EXOC4: variants seen among roughly 807,000 people sequenced by gnomAD.
EXOC4 encodes exocyst complex component 4.
EXOC4 carries 71 observed loss-of-function variants against 107.2 expected under a neutral mutation model. That is an observed-to-expected ratio of 0.66 (90% confidence interval 0.55 to 0.81). The LOEUF is 0.81. EXOC4 is among the 30% of genes least tolerant of loss of function. The pLI, the probability that EXOC4 is intolerant of heterozygous loss-of-function variation, is 0.00. For missense variants in EXOC4, 1,108 were observed against 1,189.6 expected (o/e 0.93, Z 1.01); for synonymous variants, 456 against 441.2 (o/e 1.03, Z -0.42).
chr7:133,377,304 A>C (rs969973351), intron 7 of EXOC4, among the ~76,000 whole-genome samples: 2 of 152,184 alleles, frequency 1.3e-5, no homozygotes, highest in Non-Finnish European at 2.9e-5. Context: ...CAGTGAGCCA[A>C]GATTGTGCCT....
intron 10 of EXOC4, among the ~76,000 whole-genome samples, chr7:133,673,872 T>C (rs1433097970): frequency 1.3e-5 from 2 of 152,240 alleles, no homozygotes; most frequent in Admixed American, 1.3e-4. Flanking sequence ...ACTAAACAAA[T>C]ATTGTAATTG....
chr7:133,490,984 C>G (rs547345782), intron 9 of EXOC4, among the ~76,000 whole-genome samples: 63 of 152,288 alleles, frequency 4.1e-4, no homozygotes, highest in South Asian at 2.1e-4. Flanking sequence ...CAACCTATTT[C>G]TAAAGTACCT....
intron 10 of EXOC4, among the ~76,000 whole-genome samples, chr7:133,744,135 C>CA (rs113003258): frequency 0.022 from 2,939 of 130,924 alleles, 76 homozygotes; most frequent in African/African-American, 0.065. Flanking sequence ...TTCCTGGAGG[C>CA]AAAAAAAAAA....
chr7:133,781,790 A>C (rs1045342340), intron 10 of EXOC4, among the ~76,000 whole-genome samples: 1 of 152,146 alleles, frequency 6.6e-6, no homozygotes, highest in African/African-American at 2.4e-5. Context: ...TCAACTCCCA[A>C]TTGTGTTCTG....
chr7:133,508,092 C>T (rs1799699360), intron 9 of EXOC4, among the ~76,000 whole-genome samples: 1 of 151,950 alleles, frequency 6.6e-6, no homozygotes, highest in Non-Finnish European at 1.5e-5. Context: ...AAAGAAAAAT[C>T]AGTAACAAAT....
intron 11 of EXOC4, among the ~76,000 whole-genome samples, chr7:133,818,853 C>T (rs1397667604): frequency 2.0e-5 from 3 of 152,146 alleles, no homozygotes; most frequent in African/African-American, 7.2e-5. Context: ...CAGCCCCATC[C>T]ATTGTCAATA....
intron 9 of EXOC4, among the ~76,000 whole-genome samples, chr7:133,559,621 G>T (rs1334235020): frequency 2.6e-5 from 4 of 152,204 alleles, no homozygotes; most frequent in Non-Finnish European, 5.9e-5. Flanking sequence ...TTTTTAAGGA[G>T]AGTAGGCTTT....
At chr7:133,848,714 A>C (rs1798183744) in intron 11 of EXOC4, among the ~76,000 whole-genome samples, 1 of 152,182 alleles carries the variant, frequency 6.6e-6, no homozygotes, top group East Asian at 1.9e-4. Flanking sequence ...TCTGGGATCT[A>C]AAATGTTCTC....
rs977520435 is a variant in EXOC4 at position 133,955,627 on chromosome 7, C to T, written c.2206+17558C>T. 1.3e-4 allele frequency among the ~76,000 whole-genome samples: 20 copies of T among 152,276 alleles called. No homozygotes were observed. The Middle Eastern group carries it at 0.01, about 78-fold the overall frequency. Reference sequence around the variant, plus strand: ...TCTTTACTTAAAGGTGGGGCTTCACCGGGGACCTGGCCCTGTCTGCCCTGG... The same window carrying T: ...TCTTTACTTAAAGGTGGGGCTTCACTGGGGACCTGGCCCTGTCTGCCCTGG... On this transcript the variant is annotated intron_variant, in intron 14 of 17. Coordinates refer to ENST00000253861, the MANE Select transcript of EXOC4 (RefSeq NM_021807.4).
intron 11 of EXOC4, among the ~76,000 whole-genome samples, chr7:133,847,537 A>ATTTTTTT (rs34297470): frequency 1.6e-5 from 2 of 127,186 alleles, no homozygotes; most frequent in Non-Finnish European, 3.3e-5. Context: ...TACACCAGCT[A>ATTTTTTT]TTTTTTTTTT....
intron 9 of EXOC4, among the ~76,000 whole-genome samples, chr7:133,536,550 T>C (rs1241856641): frequency 6.6e-6 from 1 of 151,944 alleles, no homozygotes; most frequent in African/African-American, 2.4e-5. Context: ...TATCTGTTCT[T>C]GTTTCTTTCT....
intron 14 of EXOC4, among the ~76,000 whole-genome samples, chr7:133,938,548 T>C (rs1310131144): frequency 6.6e-6 from 1 of 152,098 alleles, no homozygotes; most frequent in Non-Finnish European, 1.5e-5. Flanking sequence ...AGACAACAAT[T>C]ATTCTGGAAA....
At chr7:133,643,546 C>A (rs548980019) in intron 10 of EXOC4, among the ~76,000 whole-genome samples, 4 of 152,196 alleles carry the variant, frequency 2.6e-5, no homozygotes, top group Admixed American at 6.5e-5. Flanking sequence ...TCAACTTGAA[C>A]CCATACACAT....
chr7:133,742,826 T>G (rs895522060), intron 10 of EXOC4, among the ~76,000 whole-genome samples: 1 of 152,224 alleles, frequency 6.6e-6, no homozygotes, highest in African/African-American at 2.4e-5. Context: ...GTTGTTGACC[T>G]GGAAGTTCTA....
At chr7:133,263,374 CTTTTT>C (rs920302686) in intron 1 of EXOC4, among the ~76,000 whole-genome samples, 20 of 83,974 alleles carry the variant, frequency 2.4e-4, no homozygotes, top group African/African-American at 9.2e-4. Context: ...AAAAAGCATT[CTTTTT>C]TTTTTTTTTT....
At chr7:133,557,062 T>C (rs1584996238) in intron 9 of EXOC4, among the ~76,000 whole-genome samples, 1 of 152,316 alleles carries the variant, frequency 6.6e-6, no homozygotes, top group Admixed American at 6.5e-5. Flanking sequence ...CTCAGCATCA[T>C]TGTGGTCACT....
chr7:133,260,549 C>T (rs1365026113), intron 1 of EXOC4, among the ~76,000 whole-genome samples: 1 of 152,228 alleles, frequency 6.6e-6, no homozygotes, highest in Non-Finnish European at 1.5e-5. Flanking sequence ...GCAGGGATTA[C>T]AGGTGTGAGG....
At chr7:133,683,597 G>T (rs945078587) in intron 10 of EXOC4, among the ~76,000 whole-genome samples, 1 of 152,022 alleles carries the variant, frequency 6.6e-6, no homozygotes, top group Non-Finnish European at 1.5e-5. Flanking sequence ...TTAGAATTAT[G>T]AAAATAATTT....
At chr7:133,608,536 T>C (rs1337938248) in intron 9 of EXOC4, among the ~76,000 whole-genome samples, 2 of 150,110 alleles carry the variant, frequency 1.3e-5, no homozygotes, top group African/African-American at 2.5e-5. Flanking sequence ...GAAGTAAATA[T>C]GCTGTATTTC....
Sources: gnomAD v4.1 joint callset for allele counts (sites outside exome capture counted in the v4.1 genomes callset) on GRCh38, gnomAD v4.1.1 for gene constraint, MANE v1.5 for transcripts, NCBI Gene and HGNC (gene_info 2026-07-23, HGNC 2026-07-21) for gene names.